The following PELP1 variants were observed in gnomAD, a reference collection of about 807,000 sequenced individuals.
The protein encoded by PELP1 is proline-, glutamic acid- and leucine-rich protein 1.
In PELP1, 32 loss-of-function variants were observed where a neutral mutation model predicts 95.5. That is an observed-to-expected ratio of 0.34 (90% CI 0.25 to 0.45). PELP1 has a LOEUF of 0.45. PELP1 is among the 20% of genes least tolerant of loss of function. The probability of loss-of-function intolerance (pLI) is 1.00; values close to 1 mark genes in which losing one functional copy is unlikely to be tolerated. For synonymous variants in PELP1, 668 were observed against 600.1 expected (o/e 1.11, Z -1.65); for missense variants, 1,358 against 1,444.8 (o/e 0.94, Z 0.97).
At position 4,670,194 on chromosome 17, in the gene PELP1, C is replaced by G. The variant is rs550504654; in HGVS notation, c.*1245G>C. 1.1e-4 allele frequency: 16 copies of G among 152,344 alleles called. No homozygotes were observed. Among genetic ancestry groups the G allele is most frequent in the African/African-American group, 2.9e-4 (12 of 41,578 alleles). The allele number at this position is 152,344 out of a possible 1,614,324, so 9.4% of individuals were successfully genotyped here. ...TCCTACTGAAGTTTCCAAAAATTAG[C>G]TCAAATGCCACCTCCTCAAAGGGCT... is the stretch of plus-strand genomic sequence containing the variant. On this transcript the variant is annotated 3_prime_UTR_variant, in exon 17 of 17. Coordinates refer to ENST00000572293, the MANE Select transcript of PELP1 (RefSeq NM_014389.3).
chr17:4,680,503 C>G (rs1386174049), intron 5 of PELP1, among the ~76,000 whole-genome samples: 3 of 152,182 alleles, frequency 2.0e-5, no homozygotes, highest in African/African-American at 7.2e-5. Flanking sequence ...GTCTCAAACT[C>G]CTGAGCTCAT....
chr17:4,672,141 A>C lies in PELP1; in HGVS notation c.2850T>G (p.Asp950Glu), dbSNP rs1336700251. 1.9e-6 allele frequency: 3 copies of C among 1,550,316 alleles called. No individual in the cohort carries two copies. The highest frequency in any genetic ancestry group is 2.6e-6 in the Non-Finnish European group (3 of 1,146,696). Residue 950 changes from aspartate (D) to glutamate (E), a missense_variant, in exon 16 of 17, where the codon GAT (aspartate) becomes GAG (glutamate). Coordinates refer to ENST00000572293, the MANE Select transcript of PELP1 (RefSeq NM_014389.3). ...GELEEEEEEE[D>E]EEEEEELEEV... is the part of the protein sequence containing the mutation. ...CTTCCAGTTCTTCTTCCTCCTCCTC[A>C]TCCTCCTCTTCTTCTTCTTCCTCTA...
In PELP1 at chr17:4,675,112, T is replaced by A. The variant is rs750447563; in HGVS notation, c.1241A>T (p.Asp414Val). The A allele has an allele frequency of 1.9e-6, 3 of 1,613,632 alleles. No homozygotes were observed. The East Asian group carries it at 6.7e-5, about 36-fold the overall frequency. ...QVLNSWSIGR[D>V]SLSPGQERPY... ...CCTCTCCTGGCCTGGAGAGAGGGAA[T>A]CTCTACCGATGCTCCAGGAATTGAG... The change falls in exon 11 of 17, where the codon GAT becomes GTT. Residue 414 changes from aspartate (D) to valine (V), a missense_variant. Physicochemically the swap from Asp to Val is radical, Grantham distance 152 (BLOSUM62 -3). Around this residue, in one of 7 missense-constraint regions of PELP1, gnomAD observed 538 missense variants for 628.1 expected, o/e 0.86. Coordinates refer to ENST00000572293, the MANE Select transcript of PELP1 (RefSeq NM_014389.3). This position sits in a 1 kb window ranked among gnomAD's most constrained non-coding sequence, Gnocchi z 4.3.
intron 3 of PELP1, among the ~76,000 whole-genome samples, chr17:4,683,444 T>A (rs534754220): frequency 1.3e-5 from 2 of 150,340 alleles, no homozygotes; most frequent in East Asian, 1.9e-4. Flanking sequence ...ATGGTCTCGA[T>A]CTCCGACCTC....
chr17:4,679,529 G>A (rs79579065), intron 5 of PELP1, among the ~76,000 whole-genome samples: 2,935 of 152,242 alleles, frequency 0.019, 99 homozygotes, highest in African/African-American at 0.067. Context: ...CCACTTTCAT[G>A]GGGGATGCAG....
chr17:4,679,173 A>G (rs1439989944), intron 5 of PELP1, among the ~76,000 whole-genome samples: 3 of 152,006 alleles, frequency 2.0e-5, no homozygotes, highest in Non-Finnish European at 2.9e-5. Flanking sequence ...CCACAGGCAC[A>G]CACCACCACA....
intron 1 of PELP1, among the ~76,000 whole-genome samples, chr17:4,702,090 C>A (rs1277295303): frequency 6.6e-6 from 1 of 152,010 alleles, no homozygotes; most frequent in Non-Finnish European, 1.5e-5. Flanking sequence ...CATTTATAGG[C>A]GGGATAGGTA....
In PELP1 at chr17:4,673,155, GAAGA is replaced by G. The variant is rs1221818883; in HGVS notation, c.1846-14_1846-11del. 2 of 1,511,426 alleles carry G rather than the reference GAAGA, an allele frequency of 1.3e-6. No individual in the cohort carries two copies. The highest frequency in any genetic ancestry group is 1.4e-5 in the African/African-American group (1 of 71,890). The allele number at this position is 1,511,426 out of a possible 1,614,324, so 93.6% of individuals were successfully genotyped here. A position where few individuals can be genotyped will look rare whatever the true frequency, so the allele number is the denominator to read the frequency against. ...AGCAGAAAGAGGAGACCTGAGGAAA[GAAGA>G]AAGGGCAAGTGTGAGCACCAGAAAT... On this transcript the variant is annotated splice_polypyrimidine_tract_variant and intron_variant, in intron 15 of 16. Transcript: ENST00000572293. This position sits in a 1 kb window ranked among gnomAD's most constrained non-coding sequence, Gnocchi z 5.7.
Position 4,672,279 on chromosome 17 carries a change from CTCT to C in PELP1, c.2709_2711del (p.Glu908del), listed in dbSNP as rs1567659507. 11 of 1,549,400 alleles carry C rather than the reference CTCT, an allele frequency of 7.1e-6. No individual in the cohort carries two copies. Among genetic ancestry groups the C allele is most frequent in the Middle Eastern group, 1.7e-4 (1 of 5,978 alleles). ...CTTCCTCAAAGTCTTCCTCCTCTTC[CTCT>C]TCTTCCTCTTCTTCTTCTTCCTCTT... On this transcript the variant is annotated inframe_deletion, in exon 16 of 17. Transcript: ENST00000572293.
Position 4,674,879 on chromosome 17 carries a change from C to A in PELP1, c.1352G>T (p.Gly451Val). 1 of 1,613,736 alleles carries A rather than the reference C, an allele frequency of 6.2e-7. No individual in the cohort carries two copies. The highest frequency in any genetic ancestry group is 8.5e-7 in the Non-Finnish European group (1 of 1,179,836). The change falls in exon 12 of 17, where the codon GGA becomes GTA. Residue 451 changes from glycine to valine, a missense_variant. By Grantham distance (109) the Gly-to-Val change is moderately radical (BLOSUM62 -3). Around this residue, in one of 7 missense-constraint regions of PELP1, gnomAD observed 538 missense variants for 628.1 expected, o/e 0.86. Coordinates refer to ENST00000572293, the MANE Select transcript of PELP1 (RefSeq NM_014389.3). ...VCGASAGMLQ[G>V]GASGEALLTH... is the part of the protein sequence containing the mutation. ...GAGCAGGGCCTCTCCAGAGGCTCCT[C>A]CCTGAAGCATTCCCGCCGAGGCCCC... is the stretch of plus-strand genomic sequence containing the variant.
intron 3 of PELP1, among the ~76,000 whole-genome samples, chr17:4,683,829 CTTTTTTTTT>C (rs994295435): frequency 8.8e-5 from 8 of 91,294 alleles, no homozygotes; most frequent in Admixed American, 4.7e-4. Flanking sequence ...AGTGCCCAGC[CTTTTTTTTT>C]TTTTTTTTTT....
At chr17:4,689,860 T>C (rs897236250) in intron 3 of PELP1, among the ~76,000 whole-genome samples, 1 of 152,184 alleles carries the variant, frequency 6.6e-6, no homozygotes, top group East Asian at 1.9e-4. Flanking sequence ...ACCCCATCTC[T>C]ACTAAAATGT....
rs756479387 is a variant in PELP1, at chr17:4,704,088, C to A, written c.24G>T (p.Gly8=). MAAAVLS[G]PSAGSAAGVP... is the part of the protein sequence containing the mutation. ...CCCCAGCCGCGGAGCCCGCAGAGGG[C>A]CCACTCAGAACGGCTGCCGCCATCT... Residue 8 remains glycine, a synonymous_variant, in exon 1 of 17, where the codon GGG becomes GGT. Transcript: ENST00000572293. 2.7e-5 allele frequency: 43 copies of A among 1,610,240 alleles called. No homozygotes were observed. In the Admixed American group the frequency reaches 6.7e-4, roughly 25 times the overall value.
chr17:4,684,707 T>C (rs546906578), intron 3 of PELP1, among the ~76,000 whole-genome samples: 1 of 152,318 alleles, frequency 6.6e-6, no homozygotes, highest in East Asian at 1.9e-4. Flanking sequence ...TTTATTTATT[T>C]ATTTTGAGAT....
chr17:4,672,387 C>A lies in PELP1; in HGVS notation c.2604G>T (p.Gly868=), dbSNP rs1041469732. 4.5e-6 allele frequency: 7 copies of A among 1,556,010 alleles called. No homozygotes were observed. The highest frequency in any genetic ancestry group is 2.7e-5 in the African/African-American group (2 of 73,602). The change falls in exon 16 of 17, where the codon GGG becomes GGT. Residue 868 remains glycine (G), a synonymous_variant. Transcript: ENST00000572293. Reference sequence around the variant, plus strand: ...CCTCTTCCAGGGCTGGGGGTCCTCCCCCACCAGGAGTCCCTTCAGGGACCA... The same window carrying A: ...CCTCTTCCAGGGCTGGGGGTCCTCCACCACCAGGAGTCCCTTCAGGGACCA... ...PQLVPEGTPG[G]GGPPALEEDL...
At chr17:4,693,387 G>A (rs150448823) in intron 1 of PELP1, among the ~76,000 whole-genome samples, 160 of 152,296 alleles carry the variant, frequency 1.1e-3, no homozygotes, top group African/African-American at 3.7e-3. Flanking sequence ...TGAAACCTCA[G>A]AAACTTCGGA....
chr17:4,682,401 G>A lies in PELP1; in HGVS notation c.642+101C>T, dbSNP rs957419523. On this transcript the variant is annotated intron_variant, in intron 5 of 16. Transcript: ENST00000572293. ...ACTTGTGGAGATAGGTAACTTTAAA[G>A]GATAATCAGAAGATAGGTGCTTAGG... The A allele has an allele frequency of 6.3e-6, 5 of 792,274 alleles. No individual in the cohort carries two copies. In the African/African-American group the frequency reaches 6.8e-5, roughly 11 times the overall value. 49.1% of individuals were successfully genotyped at this position (792,274 alleles called of 1,614,324 possible).
Position 4,675,915 on chromosome 17 carries a change from G to A in PELP1, c.981-31C>T. ...GAGAATCAGAGCAGGGAGACCTTCA[G>A]AGCAGGCTCCCTGGCATAACTCCCA... On this transcript the variant is annotated intron_variant, in intron 8 of 16. Transcript: ENST00000572293. This position sits in a 1 kb window ranked among gnomAD's most constrained non-coding sequence, Gnocchi z 4.3. The A allele has an allele frequency of 6.3e-7, 1 of 1,577,232 alleles. No individual in the cohort carries two copies. The highest frequency in any genetic ancestry group is 8.6e-7 in the Non-Finnish European group (1 of 1,156,728).
chr17:4,673,300 C>G lies in PELP1; in HGVS notation c.1795G>C (p.Ala599Pro), dbSNP rs2150552982. 6.3e-7 allele frequency: 1 copy of G among 1,584,328 alleles called. No homozygotes were observed. The highest frequency in any genetic ancestry group is 2.3e-5 in the East Asian group (1 of 43,570). The change falls in exon 15 of 17, where the codon GCC (alanine) becomes CCC (proline). Residue 599 changes from alanine to proline, a missense_variant. Transcript: ENST00000572293. The surrounding 1 kb of genome is among the most constrained non-coding windows in gnomAD (Gnocchi z 5.7). Reference protein sequence around the residue: ...APSPRCPPPLACALQAFSLGQ... With the variant: ...APSPRCPPPLPCALQAFSLGQ... The stretch of plus-strand genomic sequence containing the variant: ...AGGGAGAAGGCTTGCAGGGCACAGG[C>G]AAGAGGAGGTGGGCAGCGAGGAGAC...
Sources: allele counts gnomAD v4.1 joint callset (sites outside exome capture counted in the v4.1 genomes callset), GRCh38; gene constraint gnomAD v4.1.1; regional missense constraint gnomAD v4.1.1; non-coding constraint Gnocchi (gnomAD v3.1); transcripts MANE v1.5; gene names NCBI Gene and HGNC (gene_info 2026-07-23, HGNC 2026-07-21).